The following LRRC23 variants were observed in gnomAD, a reference collection of about 807,000 sequenced individuals.
The protein encoded by LRRC23 is leucine-rich repeat-containing protein 23.
A neutral mutation model predicts 37.7 loss-of-function variants in LRRC23; 28 were observed. The observed-to-expected ratio is 0.74, with a 90% CI of 0.55 to 1.02. LRRC23 has a LOEUF of 1.02. Among genes scored for constraint, LRRC23 ranks in the 50% least tolerant of loss-of-function variants. The pLI is 0.00. For synonymous variants in LRRC23, 161 were observed against 165.4 expected (o/e 0.97, Z 0.20); for missense variants, 377 against 413.2 (o/e 0.91, Z 0.76).
intron 5 of LRRC23, among the ~76,000 whole-genome samples, chr12:6,908,415 G>A (rs1555139989): frequency 1.3e-5 from 2 of 151,738 alleles, no homozygotes; most frequent in Admixed American, 6.6e-5. Flanking sequence ...TGGCCAACAT[G>A]GCGAAACTCT....
rs76172871 is a variant in LRRC23 at position 6,905,116 on chromosome 12, G to A, written c.-50+41G>A. ...CTAAGGCGAATTGAGTGGGAGGGTT[G>A]GAGACTGCGCTTTAGGCTGGTGTAC... On this transcript the variant is annotated intron_variant, in intron 1 of 7. Coordinates refer to ENST00000443597, the MANE Select transcript of LRRC23 (RefSeq NM_001135217.2). 566 of 162,146 alleles carry A rather than the reference G, an allele frequency of 3.5e-3. 1 individual carries two copies. The highest frequency in any genetic ancestry group is 0.012 in the African/African-American group (518 of 41,630). The allele number at this position is 162,146 out of a possible 1,614,324, so 10.0% of individuals were successfully genotyped here. A position where few individuals can be genotyped will look rare whatever the true frequency, so the allele number is the denominator to read the frequency against.
chr12:6,907,236 T>G, intron 4 of LRRC23, 79 bp from the exon 5 acceptor site: 1 of 1,562,194 alleles, frequency 6.4e-7, no homozygotes, highest in East Asian at 2.3e-5. Context: ...GGTAGGATGA[T>G]TTAGAGGCTC....
chr12:6,912,627 T>C, intron 6 of LRRC23, 103 bp from the exon 7 acceptor site: 1 of 1,057,250 alleles, frequency 9.5e-7, no homozygotes, highest in Non-Finnish European at 1.4e-6. Flanking sequence ...ACAGTGTTTC[T>C]AGGGACACTG....
At chr12:6,912,033 T>C (rs1945171887) in intron 6 of LRRC23, among the ~76,000 whole-genome samples, 1 of 152,162 alleles carries the variant, frequency 6.6e-6, no homozygotes, top group Non-Finnish European at 1.5e-5. Context: ...CAGAGTATCA[T>C]ATAATGAGGC....
chr12:6,907,184 T>A, intron 4 of LRRC23, 131 bp from the exon 5 acceptor site: 1 of 1,058,438 alleles, frequency 9.4e-7, no homozygotes, highest in Non-Finnish European at 1.4e-6. Flanking sequence ...AGGTATTAAG[T>A]CTGGAGCTGG....
chr12:6,908,613 A>AAAAAAAAAAAAAAAAAAAC (rs1555140043), intron 5 of LRRC23, among the ~76,000 whole-genome samples: 1 of 118,270 alleles, frequency 8.5e-6, no homozygotes, highest in African/African-American at 4.0e-5. Flanking sequence ...AAAAAAAAAA[A>AAAAAAAAAAAAAAAAAAAC]AAAAAAACCA....
rs377413397 is a variant in LRRC23 at position 6,906,301 on chromosome 12, TC to T, written c.237-104del. 792 of 1,080,082 alleles carry T rather than the reference TC, an allele frequency of 7.3e-4. 6 individuals are homozygous for T. The African/African-American group carries it at 9.3e-3, about 13-fold the overall frequency. The allele number at this position is 1,080,082 out of a possible 1,614,324, so 66.9% of individuals were successfully genotyped here. ...CCCTACCATCTGTTGCCCATTCTTC[TC>T]CCCATTATAAGCCATCTCCATATTG... On this transcript the variant is annotated intron_variant, in intron 3 of 7. Transcript: ENST00000443597.
At chr12:6,909,065 A>ATATATAT (rs1188364517) in intron 5 of LRRC23, among the ~76,000 whole-genome samples, 1 of 38,636 alleles carries the variant, frequency 2.6e-5, no homozygotes, top group Non-Finnish European at 4.0e-5. Flanking sequence ...TTATATATAA[A>ATATATAT]TATATATTAT....
chr12:6,913,551 G>GTTTTTTTTTTTTTTTTTTTTTTTTTTTTT lies in LRRC23; in HGVS notation c.*25-337_*25-336insTTTTTTTTTTTTTTTTTTTTTTTTTTTTT, dbSNP rs1248085636. Reference sequence around the variant, plus strand: ...TAGGGGAGAGGCTTTATTTACCTCTGTTTGTTTTTTTTTTTTTTTTTTTTT... The same window carrying GTTTTTTTTTTTTTTTTTTTTTTTTTTTTT: ...TAGGGGAGAGGCTTTATTTACCTCTGTTTTTTTTTTTTTTTTTTTTTTTTTTTTTTTTGTTTTTTTTTTTTTTTTTTTTT... On this transcript the variant is annotated intron_variant, in intron 7 of 7. Transcript: ENST00000443597. Among the ~76,000 whole-genome samples the GTTTTTTTTTTTTTTTTTTTTTTTTTTTTT allele has an allele frequency of 6.4e-5, 5 of 78,172 alleles. 2 individuals are homozygous for GTTTTTTTTTTTTTTTTTTTTTTTTTTTTT. The highest frequency in any genetic ancestry group is 2.6e-4 in the African/African-American group (5 of 19,546). 51.3% of individuals were successfully genotyped at this position (78,172 alleles called of 152,430 possible).
At position 6,913,026 on chromosome 12, in the gene LRRC23, T is replaced by C. The variant is rs782620460; in HGVS notation, c.*23T>C. On this transcript the variant is annotated splice_region_variant and 3_prime_UTR_variant, in exon 7 of 8. Transcript: ENST00000443597. ...TAGCAGCAGTTCTAGCCTCTAAAGA[T>C]AGTAAGGAAGCCTGCAGGGAGGCAG... 5 of 1,610,336 alleles carry C rather than the reference T, an allele frequency of 3.1e-6. No individual in the cohort carries two copies. The highest frequency in any genetic ancestry group is 4.2e-6 in the Non-Finnish European group (5 of 1,177,778).
chr12:6,912,993 C>A lies in LRRC23; in HGVS notation c.1022C>A (p.Ser341Ter), dbSNP rs1555140980. 6.2e-7 allele frequency: 1 copy of A among 1,613,976 alleles called. No homozygotes were observed. The highest frequency in any genetic ancestry group is 8.5e-7 in the Non-Finnish European group (1 of 1,179,992). Residue 341 changes from serine (S) to a stop codon, truncating the protein, a stop_gained, in exon 7 of 8, where the codon TCA becomes TAA. Transcript: ENST00000443597. LOFTEE classifies it high-confidence loss of function. ...CAGCGTGACCTGGAACCCGAACAGTCATTGATCTAGCAGCAGTTCTAGCCT... is the reference window on the plus strand; with the variant it reads ...CAGCGTGACCTGGAACCCGAACAGTAATTGATCTAGCAGCAGTTCTAGCCT... ...EPQRDLEPEQ[S>*]LI
At chr12:6,905,140 ACCAGAG>A (rs1308136353) in intron 1 of LRRC23, 65 bp downstream of exon 1, 1 of 163,684 alleles carries the variant, frequency 6.1e-6, no homozygotes, top group Non-Finnish European at 1.4e-5. Context: ...AGGCTGGTGT[ACCAGAG>A]GGCCCAAGGA....
In LRRC23 at chr12:6,904,912, C is replaced by G. The variant is rs2239163; in HGVS notation, c.-213C>G. 0.35 allele frequency: 52,902 copies of G among 152,214 alleles called. 10,121 individuals carry two copies. The highest frequency in any genetic ancestry group is 0.53 in the African/African-American group (22,038 of 41,490). 9.4% of individuals were successfully genotyped at this position (152,214 alleles called of 1,614,324 possible). A position where few individuals can be genotyped will look rare whatever the true frequency, so the allele number is the denominator to read the frequency against. The stretch of plus-strand genomic sequence containing the variant: ...GCTGATTTGCGCATCAGGTAGTCGC[C>G]GCTCTACTCTCAACGGTGGCGAGCT... On this transcript the variant is annotated 5_prime_UTR_variant, in exon 1 of 8. Transcript: ENST00000443597.
At chr12:6,913,268 A>T in intron 7 of LRRC23, 1 of 463,720 alleles carries the variant, frequency 2.2e-6, no homozygotes, top group Non-Finnish European at 3.9e-6. Flanking sequence ...TGGCAGGCAG[A>T]GGAGTTGGTG....
chr12:6,914,088 G>A lies in LRRC23; in HGVS notation c.*222G>A, dbSNP rs1945258622. On this transcript the variant is annotated 3_prime_UTR_variant, in exon 8 of 8. Transcript: ENST00000443597. The surrounding 1 kb of genome is among the most constrained non-coding windows in gnomAD (Gnocchi z 7.1). ...GGTGCCTAGGCCTGAGCGTTGCCTG[G>A]AGCCTAGGCCGGGGGCCGCCCTCGG... 1 of 1,538,332 alleles carries A rather than the reference G, an allele frequency of 6.5e-7. No homozygotes were observed. Among genetic ancestry groups the A allele is most frequent in the Middle Eastern group, 2.2e-4 (1 of 4,630 alleles).
chr12:6,905,210 G>T, intron 1 of LRRC23, 135 bp downstream of exon 1: 1 of 184,330 alleles, frequency 5.4e-6, no homozygotes, highest in Non-Finnish European at 1.2e-5. Context: ...CAGGGATTAC[G>T]GATGGCGCAA....
At chr12:6,909,068 TATA>T (rs1565553306) in intron 5 of LRRC23, among the ~76,000 whole-genome samples, 4 of 50,984 alleles carry the variant, frequency 7.8e-5, no homozygotes, top group Admixed American at 3.4e-4. Flanking sequence ...TATATAAATA[TATA>T]TTATATATTA....
At chr12:6,908,596 CA>C (rs61662814) in intron 5 of LRRC23, among the ~76,000 whole-genome samples, 479 of 31,070 alleles carry the variant, frequency 0.015, 1 homozygote, top group African/African-American at 0.039. Context: ...GACTCCATCT[CA>C]AAAAAAAAAA....
At chr12:6,912,609 C>G (rs1555140885) in intron 6 of LRRC23, 121 bp from the exon 7 acceptor site, 1 of 880,724 alleles carries the variant, frequency 1.1e-6, no homozygotes, top group East Asian at 2.4e-5. Context: ...CTTGGCAGGC[C>G]AGTCCTCACA....
Sources: gnomAD v4.1 joint callset for allele counts (sites outside exome capture counted in the v4.1 genomes callset) on GRCh38, gnomAD v4.1.1 for gene constraint, Gnocchi (gnomAD v3.1) non-coding constraint, MANE v1.5 for transcripts, NCBI Gene and HGNC (gene_info 2026-07-23, HGNC 2026-07-21) for gene names.